GNAI1: variants seen among roughly 807,000 people sequenced by gnomAD.
GNAI1 encodes guanine nucleotide-binding protein G(i) subunit alpha-1.
A neutral mutation model predicts 38.9 loss-of-function variants in GNAI1; 11 were observed. That is an observed-to-expected ratio of 0.28 (90% CI 0.18 to 0.47). GNAI1 has a LOEUF of 0.47. GNAI1 is among the 20% of genes least tolerant of loss of function. The probability of loss-of-function intolerance (pLI) is 0.99; values close to 1 mark genes in which losing one functional copy is unlikely to be tolerated. For missense variants in GNAI1, 317 were observed against 436.9 expected (o/e 0.73, Z 2.45); for synonymous variants, 166 against 145.1 (o/e 1.14, Z -1.04).
intron 1 of GNAI1, among the ~76,000 whole-genome samples, chr7:80,188,002 T>G (rs568634571): frequency 2.0e-5 from 3 of 152,218 alleles, no homozygotes; most frequent in Admixed American, 6.5e-5. Context: ...AGAGCCTGCA[T>G]GTATACAGAG....
In GNAI1 at chr7:80,220,546, C is replaced by A. The variant is rs1789054508; in HGVS notation, c.*3053C>A. On this transcript the variant is annotated 3_prime_UTR_variant, in exon 8 of 8. Transcript: ENST00000649796. ...ATTGGACGAGTGAGCCAATCATTGT[C>A]CCAGTTGCCATTCTTAAAGTCCCTA... Among the ~76,000 whole-genome samples, 2 of 152,264 alleles carry A rather than the reference C, an allele frequency of 1.3e-5. No homozygotes were observed. The highest frequency in any genetic ancestry group is 3.9e-4 in the East Asian group (2 of 5,174).
At chr7:80,159,669 G>A (rs552092368) in intron 1 of GNAI1, among the ~76,000 whole-genome samples, 2 of 152,154 alleles carry the variant, frequency 1.3e-5, no homozygotes, top group Non-Finnish European at 2.9e-5. Context: ...GTTGTTTCCT[G>A]TTTGGATGGT....
rs894848517 is a variant in GNAI1, at chr7:80,221,577, G to A, written c.*4084G>A. On this transcript the variant is annotated 3_prime_UTR_variant, in exon 8 of 8. Transcript: ENST00000649796. ...TAATCAACTTGAGGACACTTCTGTC[G>A]TTTTAATGTAACCAATAGTATGAGA... Among the ~76,000 whole-genome samples, 4 of 144,142 alleles carry A rather than the reference G, an allele frequency of 2.8e-5. No homozygotes were observed. The highest frequency in any genetic ancestry group is 4.5e-5 in the Non-Finnish European group (3 of 66,518). 94.6% of individuals were successfully genotyped at this position (144,142 alleles called of 152,430 possible). A position where few individuals can be genotyped will look rare whatever the true frequency, so the allele number is the denominator to read the frequency against.
intron 1 of GNAI1, among the ~76,000 whole-genome samples, chr7:80,186,365 T>A (rs1382798648): frequency 2.0e-5 from 3 of 152,144 alleles, no homozygotes; most frequent in African/African-American, 7.2e-5. Flanking sequence ...TTTCAGGACT[T>A]TTTGAACCAC....
Position 80,189,061 on chromosome 7 carries a change from A to G in GNAI1, c.162-29A>G, listed in dbSNP as rs753853306. ...ACCGTTCTACCAAAGGAAGTAAATAATTCTTTTTTTTCCCTTTTGTCTCAT... is the reference window on the plus strand; with the variant it reads ...ACCGTTCTACCAAAGGAAGTAAATAGTTCTTTTTTTTCCCTTTTGTCTCAT... On this transcript the variant is annotated intron_variant, in intron 2 of 7. Transcript: ENST00000649796. 1.0e-5 allele frequency: 16 copies of G among 1,602,794 alleles called. No individual in the cohort carries two copies. The East Asian group carries it at 3.4e-4, about 34-fold the overall frequency.
intron 3 of GNAI1, among the ~76,000 whole-genome samples, chr7:80,190,125 TTTTGTC>T (rs1180431062): frequency 2.6e-5 from 4 of 152,064 alleles, no homozygotes; most frequent in Admixed American, 6.5e-5. Context: ...AAATTTTTCT[TTTTGTC>T]TTAGTGTCAG....
intron 1 of GNAI1, among the ~76,000 whole-genome samples, chr7:80,168,868 T>C (rs1198212338): frequency 6.6e-6 from 1 of 152,200 alleles, no homozygotes; most frequent in African/African-American, 2.4e-5. Context: ...TTCTAAAAAT[T>C]TACCCTACTG....
rs569557318 is a variant in GNAI1, at chr7:80,168,133, A to G, written c.119-20818A>G. Among the ~76,000 whole-genome samples the G allele has an allele frequency of 2.0e-5, 3 of 152,248 alleles. No homozygotes were observed. The South Asian group carries it at 6.2e-4, about 32-fold the overall frequency. ...CTTAGCTGACTCCATGAGAACTTCA[A>G]CTTGCAACTTGAAGCCCTAGGTGCT... On this transcript the variant is annotated intron_variant, in intron 1 of 7. Coordinates refer to ENST00000649796, the MANE Select transcript of GNAI1 (RefSeq NM_002069.6).
intron 1 of GNAI1, among the ~76,000 whole-genome samples, chr7:80,169,704 A>G (rs1788069951): frequency 6.6e-6 from 1 of 152,198 alleles, no homozygotes; most frequent in Non-Finnish European, 1.5e-5. Flanking sequence ...AATTCACCAA[A>G]AATCATTAAA....
At chr7:80,150,618 A>G (rs1787707109) in intron 1 of GNAI1, among the ~76,000 whole-genome samples, 1 of 152,198 alleles carries the variant, frequency 6.6e-6, no homozygotes. Flanking sequence ...GATCAGGAGG[A>G]TGCATCCAGG....
intron 1 of GNAI1, among the ~76,000 whole-genome samples, chr7:80,141,501 A>G (rs184347843): frequency 3.3e-5 from 5 of 152,194 alleles, no homozygotes; most frequent in African/African-American, 1.2e-4. Flanking sequence ...AGCACTTTCA[A>G]AACTCCTTTA....
intron 5 of GNAI1, among the ~76,000 whole-genome samples, chr7:80,210,381 G>A (rs1042670581): frequency 6.6e-6 from 1 of 151,920 alleles, no homozygotes; most frequent in African/African-American, 2.4e-5. Flanking sequence ...ATTTTGTAAT[G>A]TATCATGATT....
At chr7:80,188,590 G>T (rs1037327081) in intron 1 of GNAI1, among the ~76,000 whole-genome samples, 2 of 152,098 alleles carry the variant, frequency 1.3e-5, no homozygotes, top group African/African-American at 4.8e-5. Flanking sequence ...CAAAATATAT[G>T]TATCAAAATG....
intron 1 of GNAI1, among the ~76,000 whole-genome samples, chr7:80,151,830 T>G (rs1292511050): frequency 1.3e-5 from 2 of 152,156 alleles, no homozygotes; most frequent in African/African-American, 4.8e-5. Context: ...TTGAGGAGTT[T>G]CGTGGCAAAA....
intron 1 of GNAI1, among the ~76,000 whole-genome samples, chr7:80,176,094 A>G (rs1032414694): frequency 1.3e-5 from 2 of 152,264 alleles, no homozygotes; most frequent in African/African-American, 4.8e-5. Context: ...AATGTAAAGG[A>G]AAAGTTCTTG....
At chr7:80,200,555 G>A (rs1584046315) in intron 4 of GNAI1, among the ~76,000 whole-genome samples, 1 of 152,048 alleles carries the variant, frequency 6.6e-6, no homozygotes, top group Admixed American at 6.6e-5. Context: ...TTAGATAGAT[G>A]ACAAATTTTG....
intron 1 of GNAI1, among the ~76,000 whole-genome samples, chr7:80,145,835 G>A (rs1449949427): frequency 2.0e-5 from 3 of 152,076 alleles, no homozygotes; most frequent in East Asian, 3.9e-4. Context: ...CCCTGGGTTG[G>A]CTGCAGTTTT....
chr7:80,210,376 G>A (rs1788852175), intron 5 of GNAI1, among the ~76,000 whole-genome samples: 1 of 151,892 alleles, frequency 6.6e-6, no homozygotes, highest in African/African-American at 2.4e-5. Flanking sequence ...CTCTCATTTT[G>A]TAATGTATCA....
chr7:80,143,136 G>A (rs1221976977), intron 1 of GNAI1, among the ~76,000 whole-genome samples: 1 of 152,162 alleles, frequency 6.6e-6, no homozygotes, highest in African/African-American at 2.4e-5. Flanking sequence ...ATGATCACTA[G>A]TAGCATTTGT....
Sources: gnomAD v4.1 joint callset for allele counts (sites outside exome capture counted in the v4.1 genomes callset) on GRCh38, gnomAD v4.1.1 for gene constraint, MANE v1.5 for transcripts, NCBI Gene and HGNC (gene_info 2026-07-23, HGNC 2026-07-21) for gene names.